The following YEATS4 variants were observed in gnomAD, a reference collection of about 807,000 sequenced individuals.
YEATS4 encodes the protein YEATS domain containing 4.
A neutral mutation model predicts 30.1 loss-of-function variants in YEATS4; 17 were observed. The observed-to-expected ratio is 0.56, with a 90% CI of 0.39 to 0.85. YEATS4 has a LOEUF of 0.85. Among genes scored for constraint, YEATS4 ranks in the 40% least tolerant of loss-of-function variants. YEATS4 has a pLI of 0.00. For synonymous variants in YEATS4, 85 were observed against 87.5 expected (o/e 0.97, Z 0.16); for missense variants, 142 against 268.3 (o/e 0.53, Z 3.29).
chr12:69,405,613 A>G, the YEATS4 span, among the ~76,000 whole-genome samples: 66 of 152,210 alleles, frequency 4.3e-4, no homozygotes, highest in African/African-American at 1.4e-3. Context: ...TGATACTACG[A>G]CAGTGAATTT....
At chr12:69,398,642 G>A in the YEATS4 span, among the ~76,000 whole-genome samples, 732 of 151,466 alleles carry the variant, frequency 4.8e-3, 2 homozygotes, top group African/African-American at 0.017. Context: ...GCAAAATCCT[G>A]TCTCTACTAA....
In YEATS4 at chr12:69,359,946, C is replaced by A; in HGVS notation, c.-27C>A. The A allele has an allele frequency of 1.9e-6, 3 of 1,610,098 alleles. No homozygotes were observed. The highest frequency in any genetic ancestry group is 2.5e-6 in the Non-Finnish European group (3 of 1,177,802). On this transcript the variant is annotated 5_prime_UTR_variant, in exon 1 of 7. Transcript: ENST00000247843. ...CGCCAGCCCCGGTCTCTTTCCCTGG[C>A]GGCGGCGGCTTCTTCCGTGGGACAA... is the stretch of plus-strand genomic sequence containing the variant.
the YEATS4 span, among the ~76,000 whole-genome samples, chr12:69,403,182 G>A: frequency 6.6e-6 from 1 of 152,124 alleles, no homozygotes; most frequent in African/African-American, 2.4e-5. Flanking sequence ...CCAACCCCAA[G>A]GGGACCTTTG....
chr12:69,420,074 T>G, the YEATS4 span, among the ~76,000 whole-genome samples: 1 of 152,184 alleles, frequency 6.6e-6, no homozygotes, highest in African/African-American at 2.4e-5. Context: ...AAAAGGTGGG[T>G]TGTCATTGTC....
intron 1 of YEATS4, among the ~76,000 whole-genome samples, chr12:69,360,772 T>TA (rs1260031937): frequency 6.6e-6 from 1 of 151,094 alleles, no homozygotes; most frequent in East Asian, 2.0e-4. Flanking sequence ...GTGCTGGGAT[T>TA]ACAGGCGTGA....
downstream of YEATS4, among the ~76,000 whole-genome samples, chr12:69,391,742 T>C (rs1868317417): frequency 6.6e-6 from 1 of 151,844 alleles, no homozygotes; most frequent in Non-Finnish European, 1.5e-5. Flanking sequence ...AGGCTTATCA[T>C]GATAAGATTT....
chr12:69,364,554 TGA>T (rs1875355496), intron 2 of YEATS4, among the ~76,000 whole-genome samples: 1 of 152,120 alleles, frequency 6.6e-6, no homozygotes, highest in Non-Finnish European at 1.5e-5. Context: ...ATAAAGAAAA[TGA>T]GGAGTTTTTG....
chr12:69,366,447 T>A (rs896755834), intron 4 of YEATS4, among the ~76,000 whole-genome samples: 8 of 152,148 alleles, frequency 5.3e-5, no homozygotes, highest in Non-Finnish European at 7.4e-5. Flanking sequence ...TGTGATACCC[T>A]CATTTTAGAG....
chr12:69,399,884 C>T, the YEATS4 span, among the ~76,000 whole-genome samples: 1 of 152,144 alleles, frequency 6.6e-6, no homozygotes, highest in Non-Finnish European at 1.5e-5. Flanking sequence ...ACAAAGGCCA[C>T]CTACTGTATG....
rs1875109544 is a variant in YEATS4, at chr12:69,359,852, C to T, written c.-121C>T. 1 of 1,241,204 alleles carries T rather than the reference C, an allele frequency of 8.1e-7. No homozygotes were observed. The highest frequency in any genetic ancestry group is 1.1e-6 in the Non-Finnish European group (1 of 889,956). 76.9% of individuals were successfully genotyped at this position (1,241,204 alleles called of 1,614,324 possible). A position where few individuals can be genotyped will look rare whatever the true frequency, so the allele number is the denominator to read the frequency against. ...GCCGTGAGCCCAAGTAACTCGCCCT[C>T]CTTCGGCTAGAAACCCTCCGCCTGG... On this transcript the variant is annotated 5_prime_UTR_variant, in exon 1 of 7. Transcript: ENST00000247843.
the YEATS4 span, among the ~76,000 whole-genome samples, chr12:69,396,209 A>G: frequency 6.6e-6 from 1 of 152,208 alleles, no homozygotes; most frequent in Admixed American, 6.5e-5. Flanking sequence ...TGCTGTCTGA[A>G]AATTTCCAGT....
chr12:69,401,270 G>A, the YEATS4 span: 1 of 152,066 alleles, frequency 6.6e-6, no homozygotes, highest in African/African-American at 2.4e-5. Flanking sequence ...ACTTTCATGT[G>A]TAAGGATGTT....
At chr12:69,380,294 C>T (rs1409152685) in intron 6 of YEATS4, among the ~76,000 whole-genome samples, 1 of 152,228 alleles carries the variant, frequency 6.6e-6, no homozygotes, top group African/African-American at 2.4e-5. Context: ...TTGGTCACTG[C>T]AGCCATATCT....
At chr12:69,426,075 A>G in the YEATS4 span, among the ~76,000 whole-genome samples, 31 of 152,254 alleles carry the variant, frequency 2.0e-4, no homozygotes, top group African/African-American at 7.5e-4. Context: ...TCTCTACAAA[A>G]GAAAAACAAA....
the YEATS4 span, among the ~76,000 whole-genome samples, chr12:69,404,831 C>T: frequency 6.6e-6 from 1 of 152,146 alleles, no homozygotes; most frequent in African/African-American, 2.4e-5. Context: ...GTGACCCTTC[C>T]CTCTGCCTTG....
chr12:69,363,540 T>A (rs1362717312), intron 2 of YEATS4, among the ~76,000 whole-genome samples: 1 of 152,228 alleles, frequency 6.6e-6, no homozygotes, highest in African/African-American at 2.4e-5. Flanking sequence ...GTTTCAGGAA[T>A]AAGCAGCTAA....
the YEATS4 span, among the ~76,000 whole-genome samples, chr12:69,399,015 C>G: frequency 3.3e-5 from 5 of 150,920 alleles, no homozygotes; most frequent in Non-Finnish European, 7.4e-5. Context: ...GGCATGGTGG[C>G]GGGTGCCTGT....
At chr12:69,366,989 T>G (rs890500546) in intron 4 of YEATS4, among the ~76,000 whole-genome samples, 3 of 152,188 alleles carry the variant, frequency 2.0e-5, no homozygotes, top group African/African-American at 7.2e-5. Context: ...CCCAGGTGAT[T>G]TTGATGCACA....
the YEATS4 span, among the ~76,000 whole-genome samples, chr12:69,414,937 C>T: frequency 6.6e-6 from 1 of 152,094 alleles, no homozygotes; most frequent in Admixed American, 6.6e-5. Context: ...AATAATTTGG[C>T]AAGAAAGAAA....
Sources: gnomAD v4.1 joint callset for allele counts (sites outside exome capture counted in the v4.1 genomes callset) on GRCh38, gnomAD v4.1.1 for gene constraint, MANE v1.5 for transcripts, NCBI Gene and HGNC (gene_info 2026-07-23, HGNC 2026-07-21) for gene names.